Variants in PAFAH2 observed in about 807,000 individuals in gnomAD.
The protein encoded by PAFAH2 is platelet activating factor acetylhydrolase 2, also known as platelet-activating factor acetylhydrolase 2, cytoplasmic.
In PAFAH2, 42 loss-of-function variants were observed where a neutral mutation model predicts 49.0. The observed-to-expected ratio is 0.86, with a 90% confidence interval of 0.67 to 1.11. The LOEUF is 1.11. Ranked by LOEUF, PAFAH2 falls within the 50% of genes least tolerant of loss-of-function variation. PAFAH2 has a pLI of 0.00. For synonymous variants in PAFAH2, 184 were observed against 181.3 expected, an observed-to-expected ratio of 1.01 and a Z score of -0.12; for missense variants, 503 against 501.8, an observed-to-expected ratio of 1.00 and a Z score of -0.02.
rs2049862957 is a variant in PAFAH2, at chr1:25,990,872, G to C, written c.-47-9C>G. 7.0e-7 allele frequency: 1 copy of C among 1,424,156 alleles called. No individual in the cohort carries two copies. Among genetic ancestry groups the C allele is most frequent in the South Asian group, 1.2e-5 (1 of 86,360 alleles). 88.2% of individuals were successfully genotyped at this position (1,424,156 alleles called of 1,614,324 possible). On this transcript the variant is annotated splice_polypyrimidine_tract_variant and intron_variant, in intron 1 of 10. Transcript: ENST00000374282. ...GGAGCTGAACTTGCTGGCTGGATGG[G>C]GGAACACAGAACAGCAGCCGCTTGC...
chr1:25,992,138 C>G (rs1035251315), intron 1 of PAFAH2, among the ~76,000 whole-genome samples: 1 of 152,046 alleles, frequency 6.6e-6, no homozygotes, highest in Non-Finnish European at 1.5e-5. Context: ...GCTATGTTGT[C>G]CAGGCTGGTC....
At chr1:25,965,199 T>C (rs927084432) in intron 10 of PAFAH2, among the ~76,000 whole-genome samples, 2 of 152,010 alleles carry the variant, frequency 1.3e-5, no homozygotes, top group African/African-American at 2.4e-5. Context: ...GCTGGAAAAA[T>C]TGGATAGCCA....
intron 10 of PAFAH2, among the ~76,000 whole-genome samples, chr1:25,963,595 C>T (rs2049374230): frequency 6.6e-6 from 1 of 152,172 alleles, no homozygotes; most frequent in African/African-American, 2.4e-5. Flanking sequence ...CCTCTGCCTC[C>T]CAGGTTCAAG....
chr1:25,991,658 C>A (rs1032661461), intron 1 of PAFAH2, among the ~76,000 whole-genome samples: 1 of 148,190 alleles, frequency 6.7e-6, no homozygotes, highest in Non-Finnish European at 1.5e-5. Context: ...TTTGGGAGGT[C>A]GAGGCGGGCA....
chr1:25,994,188 C>T (rs1164773739), intron 1 of PAFAH2, among the ~76,000 whole-genome samples: 1 of 146,202 alleles, frequency 6.8e-6, no homozygotes, highest in African/African-American at 2.5e-5. Flanking sequence ...GTCTCCCAGG[C>T]TGGAGTGCAG....
At chr1:25,984,182 G>A in intron 5 of PAFAH2, 95 bp from the exon 6 acceptor site, 1 of 1,455,810 alleles carries the variant, frequency 6.9e-7, no homozygotes, top group Non-Finnish European at 9.6e-7. Flanking sequence ...GGAGGCTCTA[G>A]ATCACCCTTT....
chr1:25,967,011 G>A lies in PAFAH2; in HGVS notation c.1085-4928C>T, dbSNP rs187465841. On this transcript the variant is annotated intron_variant, in intron 10 of 10. Transcript: ENST00000374282. ...CGCGCCACTGCACTCCAGTCTGGGC[G>A]ACAGAGTGAGACGCCTTCTCAAAAA... Among the ~76,000 whole-genome samples the A allele has an allele frequency of 2.0e-3, 259 of 130,088 alleles. 1 individual carries two copies. In the East Asian group the frequency reaches 0.024, roughly 12 times the overall value. The allele number at this position is 130,088 out of a possible 152,430, so 85.3% of individuals were successfully genotyped here. A position where few individuals can be genotyped will look rare whatever the true frequency, so the allele number is the denominator to read the frequency against.
intron 2 of PAFAH2, 69 bp from the exon 3 acceptor site, chr1:25,989,670 A>C: frequency 3.9e-6 from 5 of 1,296,126 alleles, no homozygotes; most frequent in Non-Finnish European, 5.0e-6. Flanking sequence ...AGCCACACTC[A>C]GCAGGTGTTT....
rs990688956 is a variant in PAFAH2, at chr1:25,980,577, G to C, written c.666+1787C>G. 1.1e-4 allele frequency among the ~76,000 whole-genome samples: 16 copies of C among 148,374 alleles called. No individual in the cohort carries two copies. In the East Asian group the frequency reaches 2.9e-3, roughly 27 times the overall value. On this transcript the variant is annotated intron_variant, in intron 7 of 10. Transcript: ENST00000374282. ...CCACCTCAGCCTCCCAAAATGCTGG[G>C]GTTACAGGCGTGAGCCACCGCACTG...
chr1:25,984,149 T>C, intron 5 of PAFAH2, 62 bp from the exon 6 acceptor site: 2 of 1,592,794 alleles, frequency 1.3e-6, no homozygotes, highest in Middle Eastern at 2.0e-4. Flanking sequence ...TTTTCCCCTT[T>C]ACCAAAGCCT....
In PAFAH2 at chr1:25,968,056, C is replaced by T. The variant is rs911977108; in HGVS notation, c.1084+4502G>A. ...TGGTGGGTGCCTGTAATCCCAGCTACTCGGGAGGCTGAGGCAGGAGAATTG... is the reference window on the plus strand; with the variant it reads ...TGGTGGGTGCCTGTAATCCCAGCTATTCGGGAGGCTGAGGCAGGAGAATTG... On this transcript the variant is annotated intron_variant, in intron 10 of 10. Transcript: ENST00000374282. Among the ~76,000 whole-genome samples the T allele has an allele frequency of 7.2e-5, 11 of 152,210 alleles. 1 individual carries two copies. The highest frequency in any genetic ancestry group is 2.6e-4 in the African/African-American group (11 of 41,530).
At chr1:25,989,793 T>G (rs531351164) in intron 2 of PAFAH2, among the ~76,000 whole-genome samples, 192 bp from the exon 3 acceptor site, 1 of 152,370 alleles carries the variant, frequency 6.6e-6, no homozygotes, top group African/African-American at 2.4e-5. Flanking sequence ...AGCATATATG[T>G]AAAGCTTACG....
intron 10 of PAFAH2, among the ~76,000 whole-genome samples, chr1:25,968,452 A>AG (rs1241994890): frequency 2.0e-5 from 3 of 152,036 alleles, no homozygotes; most frequent in African/African-American, 7.2e-5. Flanking sequence ...AGGTTCGAGG[A>AG]GAAAAAAGGT....
At chr1:25,984,134 T>C in intron 5 of PAFAH2, 47 bp from the exon 6 acceptor site, 1 of 1,609,422 alleles carries the variant, frequency 6.2e-7, no homozygotes, top group Non-Finnish European at 8.5e-7. Flanking sequence ...CATTCTTGAG[T>C]TTATTTTTCC....
At chr1:25,975,423 A>G (rs1287272415) in intron 8 of PAFAH2, among the ~76,000 whole-genome samples, 3 of 151,954 alleles carry the variant, frequency 2.0e-5, no homozygotes, top group African/African-American at 4.8e-5. Flanking sequence ...TAAAAAAAAA[A>G]ATTAAAAAAT....
At chr1:25,989,136 G>A (rs533998810) in intron 3 of PAFAH2, among the ~76,000 whole-genome samples, 2 of 152,244 alleles carry the variant, frequency 1.3e-5, no homozygotes, top group South Asian at 2.1e-4. Context: ...CCCAAGCACC[G>A]CATTAGAGGC....
At chr1:25,964,538 T>C (rs1182149506) in intron 10 of PAFAH2, among the ~76,000 whole-genome samples, 54 of 152,090 alleles carry the variant, frequency 3.6e-4, no homozygotes, top group Admixed American at 3.5e-3. Context: ...AGACACTGTC[T>C]CTATAAAAAA....
intron 10 of PAFAH2, among the ~76,000 whole-genome samples, chr1:25,967,387 G>C (rs1382479422): frequency 1.3e-5 from 2 of 152,172 alleles, no homozygotes; most frequent in African/African-American, 4.8e-5. Context: ...GGCAGAGGGA[G>C]TCCCCAGCAT....
At chr1:25,984,845 C>CTTTTTTT (rs34522205) in intron 4 of PAFAH2, among the ~76,000 whole-genome samples, 2 of 104,284 alleles carry the variant, frequency 1.9e-5, no homozygotes, top group African/African-American at 3.6e-5. Flanking sequence ...AGAGAGATTT[C>CTTTTTTT]TTTTTTTTTT....
Sources: gnomAD v4.1 joint callset for allele counts (sites outside exome capture counted in the v4.1 genomes callset) on GRCh38, gnomAD v4.1.1 for gene constraint, MANE v1.5 for transcripts, NCBI Gene and HGNC (gene_info 2026-07-23, HGNC 2026-07-21) for gene names.